NEGR1: variants seen among roughly 807,000 people sequenced by gnomAD.
NEGR1 encodes neuronal growth regulator 1, also known as IgLON family member 4.
NEGR1 carries 10 observed loss-of-function variants against 40.9 expected under a neutral mutation model. That is an observed-to-expected ratio of 0.24 (90% CI 0.15 to 0.42). The LOEUF (loss-of-function observed/expected upper bound fraction) is 0.42. Ranked by LOEUF, NEGR1 falls within the 10% of genes least tolerant of loss-of-function variation. The probability of loss-of-function intolerance (pLI) is 1.00; values close to 1 mark genes in which losing one functional copy is unlikely to be tolerated. For missense variants in NEGR1, 352 were observed against 438.9 expected (o/e 0.80, Z 1.77); for synonymous variants, 185 against 166.8 (o/e 1.11, Z -0.84).
intron 3 of NEGR1, among the ~76,000 whole-genome samples, chr1:71,759,199 T>A (rs1186513985): frequency 6.6e-6 from 1 of 151,712 alleles, no homozygotes; most frequent in Non-Finnish European, 1.5e-5. Context: ...ATATTATGAA[T>A]GGAATTTCCA....
At chr1:71,800,241 A>G (rs779327282) in intron 2 of NEGR1, among the ~76,000 whole-genome samples, 19 of 152,106 alleles carry the variant, frequency 1.2e-4, no homozygotes, top group South Asian at 6.2e-4. Context: ...CAGATTCTGG[A>G]TATTAGCCCT....
At chr1:71,831,053 A>T (rs1329828272) in intron 2 of NEGR1, among the ~76,000 whole-genome samples, 2 of 151,986 alleles carry the variant, frequency 1.3e-5, no homozygotes, top group African/African-American at 2.4e-5. Flanking sequence ...TGTAGCCTTC[A>T]ACATGAGTCC....
At chr1:71,571,093 G>A (rs1203737714) in intron 6 of NEGR1, 1 of 152,098 alleles carries the variant, frequency 6.6e-6, no homozygotes, top group Non-Finnish European at 1.5e-5. Context: ...TAGATTAATG[G>A]GTAGAGGACT....
At chr1:72,199,146 CAGACAGAGAGAGAG>C (rs1400644872) in intron 1 of NEGR1, among the ~76,000 whole-genome samples, 2,088 of 139,166 alleles carry the variant, frequency 0.015, 26 homozygotes, top group Non-Finnish European at 0.022. Flanking sequence ...TCTAGATAGA[CAGACAGAGAGAGAG>C]AGAGAGAGAG....
intron 1 of NEGR1, among the ~76,000 whole-genome samples, chr1:72,151,891 C>T (rs1025598867): frequency 1.3e-5 from 2 of 151,652 alleles, no homozygotes; most frequent in African/African-American, 4.8e-5. Flanking sequence ...AAATTGTATA[C>T]ATAAAATTAA....
intron 4 of NEGR1, among the ~76,000 whole-genome samples, chr1:71,681,707 T>C (rs1652844533): frequency 6.6e-6 from 1 of 152,256 alleles, no homozygotes; most frequent in Non-Finnish European, 1.5e-5. Flanking sequence ...CTGTACTTTC[T>C]AATATGTCCT....
chr1:71,569,574 C>A (rs911296096), intron 6 of NEGR1, among the ~76,000 whole-genome samples: 1 of 152,070 alleles, frequency 6.6e-6, no homozygotes, highest in Admixed American at 6.6e-5. Flanking sequence ...ACCGTTTGGG[C>A]GTTTAAAGTT....
chr1:72,009,919 G>T (rs993984991), intron 1 of NEGR1, among the ~76,000 whole-genome samples: 1 of 151,346 alleles, frequency 6.6e-6, no homozygotes, highest in African/African-American at 2.4e-5. Flanking sequence ...GTTAAATCTG[G>T]GAGGTAGAAA....
intron 1 of NEGR1, among the ~76,000 whole-genome samples, chr1:72,041,424 C>A (rs981835173): frequency 1.2e-4 from 13 of 110,328 alleles, no homozygotes; most frequent in Non-Finnish European, 1.9e-4. Flanking sequence ...CTCTTTTCTT[C>A]TGTAGGCTTT....
intron 1 of NEGR1, among the ~76,000 whole-genome samples, chr1:72,167,809 A>T (rs1056367404): frequency 2.0e-5 from 3 of 151,990 alleles, no homozygotes; most frequent in African/African-American, 7.2e-5. Context: ...TAAGGATTAC[A>T]TGTTATTCTG....
chr1:71,492,855 C>T (rs531681257), intron 6 of NEGR1, among the ~76,000 whole-genome samples: 60 of 152,232 alleles, frequency 3.9e-4, no homozygotes, highest in African/African-American at 1.3e-3. Flanking sequence ...GCTTGCCTCT[C>T]ACCATAGTCT....
chr1:72,274,285 A>G (rs1261366317), intron 1 of NEGR1, among the ~76,000 whole-genome samples: 3 of 152,054 alleles, frequency 2.0e-5, no homozygotes, highest in Admixed American at 6.6e-5. Context: ...TTATGCCCAC[A>G]TAAACCAAAC....
At chr1:71,875,692 G>A (rs571699700) in intron 2 of NEGR1, among the ~76,000 whole-genome samples, 6 of 152,256 alleles carry the variant, frequency 3.9e-5, no homozygotes, top group Non-Finnish European at 8.8e-5. Context: ...CCTGGTTTTA[G>A]ATCCTAGAGA....
At chr1:71,912,556 G>A (rs547833927) in intron 2 of NEGR1, among the ~76,000 whole-genome samples, 3 of 152,182 alleles carry the variant, frequency 2.0e-5, no homozygotes, top group Non-Finnish European at 2.9e-5. Context: ...CAGCTACTCT[G>A]ATAAACGTCA....
At position 71,729,753 on chromosome 1, in the gene NEGR1, G is replaced by A. The variant is rs1386408302; in HGVS notation, c.536-31614C>T. 3.3e-5 allele frequency among the ~76,000 whole-genome samples: 5 copies of A among 151,988 alleles called. No individual in the cohort carries two copies. In the East Asian group the frequency reaches 9.7e-4, roughly 29 times the overall value. ...GGGCTCAAGTGATTCTTCCACCTCA[G>A]CCTCCCTAGTAGCTGGGACCATAGG... On this transcript the variant is annotated intron_variant, in intron 3 of 6. Coordinates refer to ENST00000357731, the MANE Select transcript of NEGR1 (RefSeq NM_173808.3).
chr1:71,725,179 C>T (rs981671765), intron 3 of NEGR1, among the ~76,000 whole-genome samples: 2 of 152,078 alleles, frequency 1.3e-5, no homozygotes, highest in Non-Finnish European at 2.9e-5. Flanking sequence ...AAGATCTGAT[C>T]GATAGAAGAA....
At chr1:72,082,095 G>A (rs1333500859) in intron 1 of NEGR1, among the ~76,000 whole-genome samples, 1 of 152,038 alleles carries the variant, frequency 6.6e-6, no homozygotes, top group African/African-American at 2.4e-5. Flanking sequence ...CTATGATTGT[G>A]GAAATAAAAT....
intron 1 of NEGR1, among the ~76,000 whole-genome samples, chr1:71,938,631 G>T (rs2100239604): frequency 6.6e-6 from 1 of 152,080 alleles, no homozygotes; most frequent in East Asian, 1.9e-4. Flanking sequence ...AAGTAGAGGA[G>T]CATGATAGCA....
At chr1:71,706,837 C>T (rs1456301091) in intron 3 of NEGR1, among the ~76,000 whole-genome samples, 2 of 151,926 alleles carry the variant, frequency 1.3e-5, no homozygotes, top group Non-Finnish European at 2.9e-5. Context: ...CCTGAATAAC[C>T]AGCAACGATA....
Sources: allele counts gnomAD v4.1 joint callset (sites outside exome capture counted in the v4.1 genomes callset), GRCh38; gene constraint gnomAD v4.1.1; transcripts MANE v1.5; gene names NCBI Gene and HGNC (gene_info 2026-07-23, HGNC 2026-07-21).